SLAIN2: variants seen among roughly 807,000 people sequenced by gnomAD.
The protein encoded by SLAIN2 is SLAIN family member 2, also known as SLAIN motif-containing protein 2.
A neutral mutation model predicts 56.6 loss-of-function variants in SLAIN2; 31 were observed. That is an observed-to-expected ratio of 0.55 (90% CI 0.41 to 0.74). SLAIN2 has a LOEUF of 0.74. Among genes scored for constraint, SLAIN2 ranks in the 30% least tolerant of loss-of-function variants. The pLI, the probability that SLAIN2 is intolerant of heterozygous loss-of-function variation, is 0.00. For missense variants in SLAIN2, 777 were observed against 754.2 expected, an observed-to-expected ratio of 1.03 and a Z score of -0.35; for synonymous variants, 317 against 284.9, an observed-to-expected ratio of 1.11 and a Z score of -1.13.
chr4:48,378,197 G>A, intron 3 of SLAIN2, 137 bp downstream of exon 3: 1 of 929,918 alleles, frequency 1.1e-6, no homozygotes. Context: ...TATCGTTGAG[G>A]AGCAACTTAG....
At chr4:48,376,720 C>T (rs1325873592) in intron 2 of SLAIN2, among the ~76,000 whole-genome samples, 1 of 145,724 alleles carries the variant, frequency 6.9e-6, no homozygotes, top group Non-Finnish European at 1.5e-5. Context: ...CTCCCGGGTT[C>T]ACGCCATTCT....
At chr4:48,404,253 A>G (rs934557691) in intron 6 of SLAIN2, among the ~76,000 whole-genome samples, 1 of 152,136 alleles carries the variant, frequency 6.6e-6, no homozygotes, top group Non-Finnish European at 1.5e-5. Flanking sequence ...TTGCATTTCT[A>G]ATGATTAGAT....
chr4:48,386,877 A>G (rs1206906557), intron 6 of SLAIN2, among the ~76,000 whole-genome samples: 1 of 152,216 alleles, frequency 6.6e-6, no homozygotes, highest in Non-Finnish European at 1.5e-5. Context: ...TGTTAATGTA[A>G]CAGGAAAGAA....
intron 7 of SLAIN2, among the ~76,000 whole-genome samples, chr4:48,421,765 C>A (rs1365537859): frequency 1.3e-5 from 2 of 151,038 alleles, no homozygotes; most frequent in Non-Finnish European, 2.9e-5. Flanking sequence ...CCATCTTTTC[C>A]TTTCTTTTAT....
chr4:48,411,265 A>G (rs918220093), intron 6 of SLAIN2, among the ~76,000 whole-genome samples: 2 of 151,940 alleles, frequency 1.3e-5, no homozygotes, highest in African/African-American at 4.8e-5. Context: ...ATGGTGGGAG[A>G]GTTTCCTAGG....
chr4:48,419,887 G>T (rs1717101202), intron 6 of SLAIN2, among the ~76,000 whole-genome samples: 1 of 152,104 alleles, frequency 6.6e-6, no homozygotes, highest in African/African-American at 2.4e-5. Context: ...ATTCCAAGCT[G>T]GCCTATTTAA....
At chr4:48,409,690 C>T (rs1413646114) in intron 6 of SLAIN2, among the ~76,000 whole-genome samples, 1 of 152,076 alleles carries the variant, frequency 6.6e-6, no homozygotes, top group Non-Finnish European at 1.5e-5. Flanking sequence ...TTGAGACCAG[C>T]CTGGTCAACA....
chr4:48,394,505 C>G, intron 6 of SLAIN2: 1 of 1,182,148 alleles, frequency 8.5e-7, no homozygotes, highest in South Asian at 1.4e-5. Flanking sequence ...TTAAAACATT[C>G]AAGTTTACAG....
intron 1 of SLAIN2, among the ~76,000 whole-genome samples, chr4:48,343,120 G>A (rs1714771049): frequency 6.6e-6 from 1 of 152,142 alleles, no homozygotes; most frequent in Non-Finnish European, 1.5e-5. Context: ...CAGTGAAATC[G>A]AAATCATTCA....
chr4:48,395,484 A>G (rs1716353152), intron 6 of SLAIN2, among the ~76,000 whole-genome samples: 1 of 152,148 alleles, frequency 6.6e-6, no homozygotes, highest in African/African-American at 2.4e-5. Context: ...TTACGTTTAC[A>G]AAAGTGCTAT....
At chr4:48,347,338 CT>C (rs1197828337) in intron 1 of SLAIN2, among the ~76,000 whole-genome samples, 10 of 151,326 alleles carry the variant, frequency 6.6e-5, no homozygotes, top group Non-Finnish European at 1.0e-4. Flanking sequence ...TCCCCCACCC[CT>C]GGCTCAAGTG....
At chr4:48,345,264 C>T (rs1349149083) in intron 1 of SLAIN2, among the ~76,000 whole-genome samples, 1 of 152,188 alleles carries the variant, frequency 6.6e-6, no homozygotes, top group Non-Finnish European at 1.5e-5. Flanking sequence ...TCACTGCTGA[C>T]CCTTTCTCCC....
intron 6 of SLAIN2, among the ~76,000 whole-genome samples, chr4:48,407,563 T>C (rs1716734052): frequency 6.6e-6 from 1 of 152,224 alleles, no homozygotes; most frequent in South Asian, 2.1e-4. Context: ...TATTGCTCAT[T>C]TTTCCATGAA....
rs1159960009 is a variant in SLAIN2, at chr4:48,379,678, T to C, written c.704-12T>C. 3.5e-6 allele frequency: 5 copies of C among 1,416,080 alleles called. No homozygotes were observed. Among genetic ancestry groups the C allele is most frequent in the Non-Finnish European group, 4.6e-6 (5 of 1,079,936 alleles). 87.7% of individuals were successfully genotyped at this position (1,416,080 alleles called of 1,614,324 possible). A position where few individuals can be genotyped will look rare whatever the true frequency, so the allele number is the denominator to read the frequency against. On this transcript the variant is annotated splice_polypyrimidine_tract_variant and intron_variant, in intron 3 of 7. Coordinates refer to ENST00000264313, the MANE Select transcript of SLAIN2 (RefSeq NM_020846.2). ...ACCAGAGTTTGAATTTTTTTCTTTT[T>C]TTTTTTTTAAGGTAACTTGAAAAGC...
chr4:48,365,444 CAAAAAAAAA>C (rs34317951), intron 1 of SLAIN2, among the ~76,000 whole-genome samples: 1 of 56,990 alleles, frequency 1.8e-5, no homozygotes, highest in Non-Finnish European at 3.4e-5. Context: ...GACTCCATCT[CAAAAAAAAA>C]AAAAAAAAAA....
At position 48,341,605 on chromosome 4, in the gene SLAIN2, G is replaced by T; in HGVS notation, c.-135G>T. The T allele has an allele frequency of 7.7e-7, 1 of 1,303,998 alleles. No individual in the cohort carries two copies. Among genetic ancestry groups the T allele is most frequent in the Non-Finnish European group, 1.0e-6 (1 of 1,004,246 alleles). The allele number at this position is 1,303,998 out of a possible 1,614,324, so 80.8% of individuals were successfully genotyped here. A position where few individuals can be genotyped will look rare whatever the true frequency, so the allele number is the denominator to read the frequency against. On this transcript the variant is annotated 5_prime_UTR_variant, in exon 1 of 8. Coordinates refer to ENST00000264313, the MANE Select transcript of SLAIN2 (RefSeq NM_020846.2). ...TGGAACCCGAGGTGGGGGGACCCTG[G>T]CGGTGGGGCCTGGTCCTGCTATATG...
chr4:48,396,377 A>G (rs1409677286), intron 6 of SLAIN2, among the ~76,000 whole-genome samples: 2 of 152,220 alleles, frequency 1.3e-5, no homozygotes, highest in East Asian at 1.9e-4. Flanking sequence ...TGACGTGGGC[A>G]TTATCATTAC....
intron 6 of SLAIN2, among the ~76,000 whole-genome samples, chr4:48,387,814 G>T (rs1250369625): frequency 3.3e-5 from 5 of 151,864 alleles, no homozygotes; most frequent in African/African-American, 1.2e-4. Flanking sequence ...ATATATGTAA[G>T]CATTTTTTAA....
intron 2 of SLAIN2, among the ~76,000 whole-genome samples, chr4:48,374,915 C>T (rs539581966): frequency 5.1e-4 from 77 of 152,112 alleles, no homozygotes; most frequent in African/African-American, 8.4e-4. Flanking sequence ...GATGTTAGTG[C>T]GAAGATCATG....
Sources: allele counts gnomAD v4.1 joint callset (sites outside exome capture counted in the v4.1 genomes callset), GRCh38; gene constraint gnomAD v4.1.1; transcripts MANE v1.5; gene names NCBI Gene and HGNC (gene_info 2026-07-23, HGNC 2026-07-21).